ARHGAP39: variants seen among roughly 807,000 people sequenced by gnomAD.
ARHGAP39 encodes Rho GTPase activating protein 39.
In ARHGAP39, 44 loss-of-function variants were observed where a neutral mutation model predicts 106.9. That is an observed-to-expected ratio of 0.41 (90% CI 0.32 to 0.53). The LOEUF is 0.53. Ranked by LOEUF, ARHGAP39 falls within the 20% of genes least tolerant of loss-of-function variation. ARHGAP39 has a pLI of 0.21. For synonymous variants in ARHGAP39, 768 were observed against 693.2 expected, an observed-to-expected ratio of 1.11 and a Z score of -1.69; for missense variants, 1,496 against 1,577.3, an observed-to-expected ratio of 0.95 and a Z score of 0.87.
chr8:144,589,343 G>A (rs1272560867), intron 2 of ARHGAP39, among the ~76,000 whole-genome samples: 1 of 152,166 alleles, frequency 6.6e-6, no homozygotes, highest in Non-Finnish European at 1.5e-5. Flanking sequence ...CCTCCATGCA[G>A]GCGTGTCCCG....
At chr8:144,616,088 A>G (rs1379816867) in intron 1 of ARHGAP39, among the ~76,000 whole-genome samples, 1 of 152,242 alleles carries the variant, frequency 6.6e-6, no homozygotes, top group East Asian at 1.9e-4. Flanking sequence ...TGCGCAGAAA[A>G]AGAATTTCTT....
At chr8:144,533,074 G>A (rs919882368) in intron 9 of ARHGAP39, 52 bp downstream of exon 9, 3 of 1,568,660 alleles carry the variant, frequency 1.9e-6, no homozygotes, top group African/African-American at 2.7e-5. Flanking sequence ...CAGATGCATG[G>A]TGGACACATG....
Position 144,603,310 on chromosome 8 carries a change from T to C in ARHGAP39, c.80+2225A>G, listed in dbSNP as rs147652401. Among the ~76,000 whole-genome samples the C allele has an allele frequency of 3.8e-4, 58 of 152,088 alleles. 1 individual carries two copies. The East Asian group carries it at 7.2e-3, about 19-fold the overall frequency. ...GTGCGTGCTCGTGTATCTGTGTGTG[T>C]GCGTGTGCATGTACCTGCATGTGTG... On this transcript the variant is annotated intron_variant, in intron 2 of 11. Transcript: ENST00000377307.
chr8:144,541,739 C>T lies in ARHGAP39; in HGVS notation c.2521+3510G>A, dbSNP rs549467315. ...TAATTTTCCATTTTGTGGCTGGACA[C>T]GTTCTGTTTCTCCATTCAGCTGCTG... On this transcript the variant is annotated intron_variant, in intron 6 of 11. Transcript: ENST00000377307. Among the ~76,000 whole-genome samples, 10 of 152,290 alleles carry T rather than the reference C, an allele frequency of 6.6e-5. No individual in the cohort carries two copies. The East Asian group carries it at 9.6e-4, about 15-fold the overall frequency.
At chr8:144,551,379 C>G (rs1384419280) in intron 4 of ARHGAP39, among the ~76,000 whole-genome samples, 1 of 152,208 alleles carries the variant, frequency 6.6e-6, no homozygotes, top group Non-Finnish European at 1.5e-5. Flanking sequence ...GACCTGCCCA[C>G]ATGCCGATGA....
chr8:144,695,840 C>T, the ARHGAP39 span, among the ~76,000 whole-genome samples: 11 of 152,148 alleles, frequency 7.2e-5, no homozygotes, highest in Non-Finnish European at 1.3e-4. Flanking sequence ...TTGGGAACTG[C>T]GGATATTGCT....
At position 144,644,945 on chromosome 8, in the gene ARHGAP39, G is replaced by A. The variant is rs1320347017; in HGVS notation, c.-81-39250C>T. On this transcript the variant is annotated intron_variant, in intron 1 of 11. Coordinates refer to ENST00000377307, the MANE Select transcript of ARHGAP39 (RefSeq NM_025251.3). The surrounding 1 kb of genome is among the most constrained non-coding windows in gnomAD (Gnocchi z 4.8). ...CCTCTGCTCCGTGCTGCCACACCCT[G>A]CCCAGTGCGCCCATTCAGGACAGAA... is the stretch of plus-strand genomic sequence containing the variant. 6.6e-6 allele frequency among the ~76,000 whole-genome samples: 1 copy of A among 152,228 alleles called. No homozygotes were observed. The highest frequency in any genetic ancestry group is 1.5e-5 in the Non-Finnish European group (1 of 68,040).
At chr8:144,603,923 C>G (rs1820180289) in intron 2 of ARHGAP39, among the ~76,000 whole-genome samples, 1 of 152,162 alleles carries the variant, frequency 6.6e-6, no homozygotes, top group Non-Finnish European at 1.5e-5. Flanking sequence ...GCTTAGGGGC[C>G]TATCTGGGCG....
At chr8:144,603,504 C>T (rs534075572) in intron 2 of ARHGAP39, among the ~76,000 whole-genome samples, 1 of 152,170 alleles carries the variant, frequency 6.6e-6, no homozygotes, top group African/African-American at 2.4e-5. Context: ...GCCTGACCAA[C>T]ATGGTGAAAC....
At chr8:144,689,069 A>G (rs1476200539), upstream of ARHGAP39, among the ~76,000 whole-genome samples, 1 of 152,174 alleles carries the variant, frequency 6.6e-6, no homozygotes, top group East Asian at 1.9e-4. Context: ...AAAACCAACG[A>G]GAAAAGGTCT....
chr8:144,600,979 G>GGT (rs1250367483), intron 2 of ARHGAP39, among the ~76,000 whole-genome samples: 1 of 139,076 alleles, frequency 7.2e-6, no homozygotes, highest in Non-Finnish European at 1.5e-5. Context: ...TGTGCGTGGA[G>GGT]GTGTGTGTGC....
chr8:144,551,952 C>A (rs1817709475), intron 4 of ARHGAP39, among the ~76,000 whole-genome samples: 1 of 152,228 alleles, frequency 6.6e-6, no homozygotes, highest in Non-Finnish European at 1.5e-5. Context: ...GGCCTCTCTC[C>A]TCACCCTTCT....
At chr8:144,600,641 C>A (rs752686272) in intron 2 of ARHGAP39, among the ~76,000 whole-genome samples, 1 of 134,050 alleles carries the variant, frequency 7.5e-6, no homozygotes, top group African/African-American at 2.9e-5. Context: ...TACCTACCTG[C>A]GTGTGCATGG....
Position 144,591,611 on chromosome 8 carries a change from G to C in ARHGAP39, c.81-10334C>G, listed in dbSNP as rs560074541. On this transcript the variant is annotated intron_variant, in intron 2 of 11. Coordinates refer to ENST00000377307, the MANE Select transcript of ARHGAP39 (RefSeq NM_025251.3). The surrounding 1 kb of genome is among the most constrained non-coding windows in gnomAD (Gnocchi z 5.3). Reference sequence around the variant, plus strand: ...GGGAGGCCAGTGGTGCTGGGGGACAGGGTGCGTGCCAGAAGAGAGGCGAGG... The same window carrying C: ...GGGAGGCCAGTGGTGCTGGGGGACACGGTGCGTGCCAGAAGAGAGGCGAGG... 7.9e-4 allele frequency among the ~76,000 whole-genome samples: 121 copies of C among 152,338 alleles called. No homozygotes were observed. Among genetic ancestry groups the C allele is most frequent in the African/African-American group, 2.8e-3 (118 of 41,582 alleles).
In ARHGAP39 at chr8:144,631,887, A is replaced by G. The variant is rs2130979387; in HGVS notation, c.-81-26192T>C. 2.0e-5 allele frequency among the ~76,000 whole-genome samples: 3 copies of G among 152,334 alleles called. No individual in the cohort carries two copies. In the South Asian group the frequency reaches 6.2e-4, roughly 32 times the overall value. ...CTGTCAGTGTCAAGAACTGAGAGCA[A>G]GAGTCTAGGACCCAACTGCTTTTCA... On this transcript the variant is annotated intron_variant, in intron 1 of 11. Coordinates refer to ENST00000377307, the MANE Select transcript of ARHGAP39 (RefSeq NM_025251.3).
chr8:144,677,483 T>C (rs1264451190), intron 1 of ARHGAP39, among the ~76,000 whole-genome samples: 1 of 152,194 alleles, frequency 6.6e-6, no homozygotes, highest in Non-Finnish European at 1.5e-5. Flanking sequence ...ATTTCTAGGA[T>C]GGGTCCTACA....
chr8:144,540,958 T>G (rs920403721), intron 6 of ARHGAP39, among the ~76,000 whole-genome samples: 2 of 152,150 alleles, frequency 1.3e-5, no homozygotes, highest in Non-Finnish European at 2.9e-5. Flanking sequence ...TTCAAGTGAT[T>G]CTCCTGCCTC....
At chr8:144,666,198 G>C (rs1056664338) in intron 1 of ARHGAP39, among the ~76,000 whole-genome samples, 1 of 152,176 alleles carries the variant, frequency 6.6e-6, no homozygotes, top group African/African-American at 2.4e-5. Flanking sequence ...TGGAACTGCT[G>C]TATTTACCTA....
At chr8:144,534,238 G>A in intron 7 of ARHGAP39, 36 bp from the exon 8 acceptor site, 1 of 1,607,522 alleles carries the variant, frequency 6.2e-7, no homozygotes, top group South Asian at 1.1e-5. Context: ...CCTGATGTGG[G>A]TGTGTGGGTG....
Sources: allele counts gnomAD v4.1 joint callset (sites outside exome capture counted in the v4.1 genomes callset), GRCh38; gene constraint gnomAD v4.1.1; non-coding constraint Gnocchi (gnomAD v3.1); transcripts MANE v1.5; gene names NCBI Gene and HGNC (gene_info 2026-07-23, HGNC 2026-07-21).